The following CSF1R variants were observed in gnomAD, a reference collection of about 807,000 sequenced individuals.
The protein encoded by CSF1R is colony stimulating factor 1 receptor.
CSF1R carries 40 observed loss-of-function variants against 110.0 expected under a neutral mutation model. The observed-to-expected ratio is 0.36, with a 90% CI of 0.28 to 0.47. The LOEUF is 0.47. Among genes scored for constraint, CSF1R ranks in the 20% least tolerant of loss-of-function variants. The pLI, the probability that CSF1R is intolerant of heterozygous loss-of-function variation, is 0.99. For synonymous variants in CSF1R, 523 were observed against 503.4 expected (o/e 1.04, Z -0.52); for missense variants, 1,052 against 1,253.0 (o/e 0.84, Z 2.42).
chr5:150,068,362 C>A (rs761813994), intron 9 of CSF1R, 32 bp from the exon 10 acceptor site: 1 of 1,561,032 alleles, frequency 6.4e-7, no homozygotes, highest in African/African-American at 1.4e-5. Flanking sequence ...AGTGAGCAGG[C>A]AGGGGTGCCT....
intron 3 of CSF1R, 48 bp from the exon 4 acceptor site, chr5:150,078,296 A>C (rs780539067): frequency 3.1e-6 from 5 of 1,607,602 alleles, no homozygotes; most frequent in Admixed American, 1.7e-5. Context: ...CCTGAACATG[A>C]TAGAGATATT....
intron 16 of CSF1R, among the ~76,000 whole-genome samples, chr5:150,056,772 A>G (rs1368420162): frequency 6.6e-6 from 1 of 152,174 alleles, no homozygotes; most frequent in Non-Finnish European, 1.5e-5. Context: ...TTATAGGTGT[A>G]GAAACTGAGG....
At chr5:150,087,435 A>G (rs1205342495), upstream of CSF1R, among the ~76,000 whole-genome samples, 1 of 152,222 alleles carries the variant, frequency 6.6e-6, no homozygotes, top group African/African-American at 2.4e-5. Flanking sequence ...CATTTCACAG[A>G]TGGGAAAACT....
chr5:150,095,667 G>A (rs775870106), intron 1 of CSF1R, among the ~76,000 whole-genome samples: 21 of 146,104 alleles, frequency 1.4e-4, no homozygotes, highest in African/African-American at 2.3e-4. Context: ...ATAAAGACAC[G>A]AGCAGAAATC....
chr5:150,059,861 G>T lies in CSF1R; in HGVS notation c.1971C>A (p.Gly657=). Residue 657 remains glycine (G), a splice_region_variant and synonymous_variant, in exon 14 of 21, where the codon GGC becomes GGA. Coordinates refer to ENST00000675795, the MANE Select transcript of CSF1R (RefSeq NM_001288705.3). The part of the protein sequence containing the change: ...VNLLGACTHG[G]PVLVITEYCC... ...AGTACTCCGTGATGACCAGTACAGG[G>T]CCTAGAGCAGCCAAGGGTGTGGGGT... 1 of 1,607,014 alleles carries T rather than the reference G, an allele frequency of 6.2e-7. No individual in the cohort carries two copies.
At position 150,053,783 on chromosome 5, in the gene CSF1R, TCTA is replaced by T; in HGVS notation, c.*283_*285del. 1 of 517,488 alleles carries T rather than the reference TCTA, an allele frequency of 1.9e-6. No homozygotes were observed. The highest frequency in any genetic ancestry group is 2.2e-5 in the South Asian group (1 of 46,510). The allele number at this position is 517,488 out of a possible 1,614,324, so 32.1% of individuals were successfully genotyped here. On this transcript the variant is annotated 3_prime_UTR_variant, in exon 21 of 21. Transcript: ENST00000675795. Reference sequence around the variant, plus strand: ...AGATAAGGGGATTAGGAAAGAAGGTTCTACTAGTTGGCATAGCAAACACGAGGC... The same window carrying T: ...AGATAAGGGGATTAGGAAAGAAGGTTCTAGTTGGCATAGCAAACACGAGGC...
chr5:150,077,283 C>T lies in CSF1R; in HGVS notation c.882G>A (p.Arg294=), dbSNP rs2113823879. The T allele has an allele frequency of 2.5e-6, 4 of 1,614,216 alleles. No individual in the cohort carries two copies. The highest frequency in any genetic ancestry group is 3.4e-6 in the Non-Finnish European group (4 of 1,180,034). Residue 294 remains arginine (R), a synonymous_variant, in exon 5 of 21, where the codon CGG becomes CGA. Coordinates refer to ENST00000675795, the MANE Select transcript of CSF1R (RefSeq NM_001288705.3). ...QGKHSTSMFF[R]VVESAYLNLS... is the part of the protein sequence containing the mutation. The stretch of plus-strand genomic sequence containing the variant: ...CACCACCCTGATGCTTACCTACCAC[C>T]CGGAAGAACATGGAGGTGGAGTGCT...
rs1758122543 is a variant in CSF1R, at chr5:150,073,539, C to T, written c.890-46G>A. ...GCATCTGGCATTAGTGGGAAGATGT[C>T]CTTGTTTATTTGTCCATTTTGTCAT... is the stretch of plus-strand genomic sequence containing the variant. On this transcript the variant is annotated intron_variant, in intron 5 of 20. Transcript: ENST00000675795. 2.5e-6 allele frequency: 4 copies of T among 1,577,410 alleles called. No homozygotes were observed. The East Asian group carries it at 6.8e-5, about 27-fold the overall frequency.
chr5:150,086,456 G>T lies in CSF1R; in HGVS notation c.-29C>A. The T allele has an allele frequency of 6.3e-7, 1 of 1,599,160 alleles. No homozygotes were observed. Among genetic ancestry groups the T allele is most frequent in the Non-Finnish European group, 8.5e-7 (1 of 1,172,890 alleles). ...CTCGGTGGGGAAGTGGCAGGCAGGT[G>T]CAGGGCTGCAAGGTGCCCAGGGCAC... On this transcript the variant is annotated 5_prime_UTR_variant, in exon 1 of 21. Coordinates refer to ENST00000675795, the MANE Select transcript of CSF1R (RefSeq NM_001288705.3).
intron 1 of CSF1R, among the ~76,000 whole-genome samples, chr5:150,086,080 T>G (rs1758832452): frequency 1.3e-5 from 2 of 152,052 alleles, no homozygotes; most frequent in South Asian, 4.1e-4. Context: ...CCCCAACACC[T>G]GCAATTGAAT....
intron 1 of CSF1R, among the ~76,000 whole-genome samples, chr5:150,104,550 T>A (rs1759491530): frequency 6.6e-6 from 1 of 152,220 alleles, no homozygotes; most frequent in Non-Finnish European, 1.5e-5. Flanking sequence ...GCTCACTATG[T>A]GAAAGGCAGC....
intron 1 of CSF1R, among the ~76,000 whole-genome samples, chr5:150,084,770 A>T (rs952710518): frequency 6.8e-6 from 1 of 147,282 alleles, no homozygotes; most frequent in African/African-American, 2.7e-5. Flanking sequence ...CCATCTCAAT[A>T]AAAAAAATAA....
upstream of CSF1R, chr5:150,086,676 G>A: frequency 2.2e-6 from 1 of 465,064 alleles, no homozygotes; most frequent in Non-Finnish European, 3.9e-6. Flanking sequence ...TTGAACCCAA[G>A]AGGGAGGGGT....
Position 150,077,399 on chromosome 5 carries a change from G to T in CSF1R, c.766C>A (p.Arg256Ser). ...TTGAGGGTCAGGACTTTTTGGTAAC[G>T]GTTATTATGAAAGTCAGATTGTTGA... ...IPQQSDFHNNRYQKVLTLNLD... is the reference protein window; with the variant it reads ...IPQQSDFHNNSYQKVLTLNLD... Residue 256 changes from arginine to serine, a missense_variant, in exon 5 of 21, where the codon CGT (arginine) becomes AGT (serine). Arg to Ser is a moderately radical substitution (Grantham distance 110). Coordinates refer to ENST00000675795, the MANE Select transcript of CSF1R (RefSeq NM_001288705.3). The T allele has an allele frequency of 1.2e-6, 2 of 1,613,870 alleles. No individual in the cohort carries two copies. Among genetic ancestry groups the T allele is most frequent in the Admixed American group, 3.3e-5 (2 of 60,004 alleles).
At chr5:150,077,191 C>T in intron 5 of CSF1R, 85 bp downstream of exon 5, 1 of 1,561,840 alleles carries the variant, frequency 6.4e-7, no homozygotes, top group Non-Finnish European at 8.8e-7. Context: ...GTCTCCTTCC[C>T]TGACATCAGC....
intron 5 of CSF1R, among the ~76,000 whole-genome samples, chr5:150,074,384 T>G (rs112495236): frequency 2.7e-5 from 4 of 148,450 alleles, no homozygotes; most frequent in African/African-American, 9.9e-5. Flanking sequence ...CTCTGCTCAC[T>G]GCAACCTCCG....
chr5:150,074,991 C>CT (rs1758201996), intron 5 of CSF1R, among the ~76,000 whole-genome samples: 1 of 152,164 alleles, frequency 6.6e-6, no homozygotes, highest in Non-Finnish European at 1.5e-5. Context: ...CCCCTTTATC[C>CT]TTTAAGATTC....
At chr5:150,071,903 C>A (rs1251122732) in intron 6 of CSF1R, among the ~76,000 whole-genome samples, 7 of 152,206 alleles carry the variant, frequency 4.6e-5, no homozygotes, top group Admixed American at 4.6e-4. Context: ...TTGCTTCTGA[C>A]AATTGACAAG....
intron 10 of CSF1R, among the ~76,000 whole-genome samples, chr5:150,067,556 A>T (rs1167193275): frequency 1.6e-5 from 2 of 126,804 alleles, no homozygotes; most frequent in Non-Finnish European, 3.4e-5. Flanking sequence ...GCAGACAGTG[A>T]CAGGAAGCAC....
Sources: gnomAD v4.1 joint callset for allele counts (sites outside exome capture counted in the v4.1 genomes callset) on GRCh38, gnomAD v4.1.1 for gene constraint, MANE v1.5 for transcripts, NCBI Gene and HGNC (gene_info 2026-07-23, HGNC 2026-07-21) for gene names.